ZNF638: variants seen among roughly 807,000 people sequenced by gnomAD.
ZNF638 encodes zinc finger protein 638.
In ZNF638, 46 loss-of-function variants were observed where a neutral mutation model predicts 195.6. The observed-to-expected ratio is 0.24, with a 90% CI of 0.19 to 0.30. The LOEUF (loss-of-function observed/expected upper bound fraction) is 0.30, where lower values mean the gene tolerates loss of function less well. Ranked by LOEUF, ZNF638 falls within the 10% of genes least tolerant of loss-of-function variation. The probability of loss-of-function intolerance (pLI) is 1.00; values close to 1 mark genes in which losing one functional copy is unlikely to be tolerated. For missense variants in ZNF638, 2,440 were observed against 2,325.3 expected, an observed-to-expected ratio of 1.05 and a Z score of -1.01; for synonymous variants, 845 against 772.0, an observed-to-expected ratio of 1.09 and a Z score of -1.57.
intron 9 of ZNF638, 116 bp downstream of exon 9, chr2:71,380,396 G>A: frequency 1.8e-6 from 2 of 1,095,820 alleles, no homozygotes; most frequent in Non-Finnish European, 2.6e-6. Flanking sequence ...AGTTTAAGAG[G>A]GATATCACTC....
chr2:71,423,390 G>A lies in ZNF638; in HGVS notation c.3876G>A (p.Glu1292=). The change falls in exon 22 of 28, where the codon GAG becomes GAA. Residue 1292 remains glutamate, a synonymous_variant. Transcript: ENST00000264447. ...TACCAGGAATTCCCACTGGGGATGA[G>A]AAGACAGTGGACAAAAAGAATATTT... ...TLVPGIPTGD[E]KTVDKKNISE... is the part of the protein sequence containing the mutation. The A allele has an allele frequency of 6.2e-7, 1 of 1,613,890 alleles. No individual in the cohort carries two copies. The highest frequency in any genetic ancestry group is 8.5e-7 in the Non-Finnish European group (1 of 1,179,978).
chr2:71,377,011 G>T (rs554397557), intron 8 of ZNF638, among the ~76,000 whole-genome samples: 44 of 152,274 alleles, frequency 2.9e-4, no homozygotes, highest in African/African-American at 8.7e-4. Flanking sequence ...AGTGGCTCAT[G>T]CCTGTAATCC....
intron 7 of ZNF638, 57 bp from the exon 8 acceptor site, chr2:71,369,826 A>G (rs774600947): frequency 3.0e-5 from 46 of 1,516,338 alleles, no homozygotes; most frequent in Non-Finnish European, 4.0e-5. Context: ...CCATTTTAAA[A>G]TGCAGGAACT....
intron 3 of ZNF638, among the ~76,000 whole-genome samples, chr2:71,356,673 A>G (rs1488063197): frequency 2.0e-5 from 3 of 152,052 alleles, no homozygotes; most frequent in Non-Finnish European, 2.9e-5. Flanking sequence ...ATCTGTAGTT[A>G]TAATATTTGG....
chr2:71,406,189 T>C lies in ZNF638; in HGVS notation c.3062T>C (p.Leu1021Pro). ...VHLDNLPEDG[L>P]QCVLCVGLQF... ...CTTGATAATTTACCGGAAGATGGAC[T>C]TCAGTGTGTACTTTGTGTTGGACTT... Residue 1021 changes from leucine (L) to proline (P), a missense_variant, in exon 19 of 28, where the codon CTT becomes CCT. Around this residue, in one of 5 missense-constraint regions of ZNF638, gnomAD observed 1,883 missense variants for 1,739.1 expected, o/e 1.08. Transcript: ENST00000264447. 1 of 1,613,614 alleles carries C rather than the reference T, an allele frequency of 6.2e-7. No homozygotes were observed. The highest frequency in any genetic ancestry group is 8.5e-7 in the Non-Finnish European group (1 of 1,179,596).
At position 71,364,078 on chromosome 2, in the gene ZNF638, A is replaced by C; in HGVS notation, c.1543A>C (p.Met515Leu). 2 of 1,614,214 alleles carry C rather than the reference A, an allele frequency of 1.2e-6. No individual in the cohort carries two copies. Among genetic ancestry groups the C allele is most frequent in the South Asian group, 1.1e-5 (1 of 91,084 alleles). The change falls in exon 5 of 28, where the codon ATG becomes CTG. Residue 515 changes from methionine to leucine, a missense_variant. Met to Leu is a conservative substitution (Grantham distance 15). Around this residue, in one of 5 missense-constraint regions of ZNF638, gnomAD observed 1,883 missense variants for 1,739.1 expected, o/e 1.08. Transcript: ENST00000264447. The part of the protein sequence containing the change: ...FRRSRSPMHY[M>L]YRPRSRSPRI... ...TCGGTCTCGAAGCCCAATGCATTAC[A>C]TGTATAGGCCGAGAAGTCGAAGTCC...
intron 17 of ZNF638, among the ~76,000 whole-genome samples, chr2:71,405,275 T>C (rs1285633738): frequency 1.3e-5 from 2 of 152,238 alleles, no homozygotes; most frequent in Non-Finnish European, 1.5e-5. Flanking sequence ...AGTTAACTTT[T>C]CTTTTGTAAT....
intron 1 of ZNF638, among the ~76,000 whole-genome samples, chr2:71,338,586 G>A (rs777093966): frequency 1.1e-4 from 16 of 151,878 alleles, no homozygotes; most frequent in Non-Finnish European, 2.2e-4. Context: ...TTACTAAAAA[G>A]AGTGAAAATT....
At position 71,395,958 on chromosome 2, in the gene ZNF638, C is replaced by A. The variant is rs1041911587; in HGVS notation, c.2378-183C>A. On this transcript the variant is annotated intron_variant, in intron 10 of 27. Transcript: ENST00000264447. ...CTTGTTAAAATTTAAATCTGTATGC[C>A]TTTTGATACATCAAGTCCATATCTA... The A allele has an allele frequency of 6.4e-6, 4 of 628,874 alleles. No homozygotes were observed. In the Admixed American group the frequency reaches 9.1e-5, roughly 14 times the overall value. 39.0% of individuals were successfully genotyped at this position (628,874 alleles called of 1,614,324 possible). A position where few individuals can be genotyped will look rare whatever the true frequency, so the allele number is the denominator to read the frequency against.
At chr2:71,419,973 C>A (rs865918180) in intron 21 of ZNF638, among the ~76,000 whole-genome samples, 1 of 39,312 alleles carries the variant, frequency 2.5e-5, no homozygotes, top group Non-Finnish European at 4.7e-5. Flanking sequence ...CCCCCCCCCG[C>A]CTTTTTTTTT....
chr2:71,335,823 T>G (rs566412334), intron 1 of ZNF638, among the ~76,000 whole-genome samples: 2 of 152,322 alleles, frequency 1.3e-5, no homozygotes, highest in South Asian at 4.1e-4. Flanking sequence ...CAGACAGATA[T>G]CAAATTTCCC....
chr2:71,398,820 G>T, intron 12 of ZNF638, 48 bp downstream of exon 12: 1 of 1,465,318 alleles, frequency 6.8e-7, no homozygotes, highest in Non-Finnish European at 9.4e-7. Context: ...CTTTATTTAT[G>T]TTTTAAATTC....
intron 10 of ZNF638, among the ~76,000 whole-genome samples, chr2:71,390,988 C>T (rs956659172): frequency 6.6e-6 from 1 of 152,210 alleles, no homozygotes; most frequent in African/African-American, 2.4e-5. Flanking sequence ...TCTTCCCCTA[C>T]CCCTGACGTG....
At chr2:71,344,137 A>T (rs2078811984) in intron 1 of ZNF638, among the ~76,000 whole-genome samples, 1 of 152,226 alleles carries the variant, frequency 6.6e-6, no homozygotes, top group Non-Finnish European at 1.5e-5. Context: ...CTCAAAAAAA[A>T]TAAAAATAAA....
At chr2:71,417,685 A>T (rs536954483) in intron 20 of ZNF638, among the ~76,000 whole-genome samples, 7 of 150,682 alleles carry the variant, frequency 4.6e-5, no homozygotes, top group African/African-American at 1.7e-4. Context: ...TCTCTAATAA[A>T]CTTTTCTCCT....
chr2:71,356,280 T>G (rs2079021323), intron 3 of ZNF638, among the ~76,000 whole-genome samples: 1 of 152,186 alleles, frequency 6.6e-6, no homozygotes, highest in African/African-American at 2.4e-5. Context: ...CCCCTTTTTC[T>G]TCTTAAAGAC....
At chr2:71,426,181 C>T (rs929239787) in intron 23 of ZNF638, among the ~76,000 whole-genome samples, 8 of 151,754 alleles carry the variant, frequency 5.3e-5, no homozygotes, top group South Asian at 2.1e-4. Flanking sequence ...TGTCATACTT[C>T]GAAACTCTTC....
Position 71,364,154 on chromosome 2 carries a change from G to A in ZNF638, c.1619G>A (p.Arg540His), listed in dbSNP as rs1573052660. ...AGATACAGATCCAGATCCAGATCCCGTTCACCATATCGAATTAGAAATCCA... is the reference window on the plus strand; with the variant it reads ...AGATACAGATCCAGATCCAGATCCCATTCACCATATCGAATTAGAAATCCA... ...ISRYRSRSRS[R>H]SPYRIRNPFR... The change falls in exon 5 of 28, where the codon CGT becomes CAT. Residue 540 changes from arginine to histidine, a missense_variant. By Grantham distance (29) the Arg-to-His change is conservative. Around this residue, in one of 5 missense-constraint regions of ZNF638, gnomAD observed 1,883 missense variants for 1,739.1 expected, o/e 1.08. Transcript: ENST00000264447. 4 of 1,614,132 alleles carry A rather than the reference G, an allele frequency of 2.5e-6. No individual in the cohort carries two copies. The highest frequency in any genetic ancestry group is 3.4e-6 in the Non-Finnish European group (4 of 1,180,018).
At chr2:71,422,121 C>T (rs1365429803) in intron 21 of ZNF638, among the ~76,000 whole-genome samples, 5 of 151,966 alleles carry the variant, frequency 3.3e-5, no homozygotes, top group Admixed American at 1.3e-4. Flanking sequence ...TGCATTTCTT[C>T]TTATAGCCAA....
Sources: allele counts gnomAD v4.1 joint callset (sites outside exome capture counted in the v4.1 genomes callset), GRCh38; gene constraint gnomAD v4.1.1; regional missense constraint gnomAD v4.1.1; transcripts MANE v1.5; gene names NCBI Gene and HGNC (gene_info 2026-07-23, HGNC 2026-07-21).